The following SLC38A10 variants were observed in gnomAD, a reference collection of about 807,000 sequenced individuals.
SLC38A10 encodes Sodium-coupled neutral amino acid transporter 10.
In SLC38A10, 53 loss-of-function variants were observed where a neutral mutation model predicts 81.0. The observed-to-expected ratio is 0.65, with a 90% CI of 0.53 to 0.82. The LOEUF (loss-of-function observed/expected upper bound fraction) is 0.82, where lower values mean the gene tolerates loss of function less well. Ranked by LOEUF, SLC38A10 falls within the 40% of genes least tolerant of loss-of-function variation. The pLI is 0.00. For synonymous variants in SLC38A10, 665 were observed against 655.3 expected (o/e 1.01, Z -0.23); for missense variants, 1,471 against 1,545.0 (o/e 0.95, Z 0.80).
rs2063162015 is a variant in SLC38A10 at position 81,276,327 on chromosome 17, C to T, written c.730-176G>A. Among the ~76,000 whole-genome samples, 1 of 152,116 alleles carries T rather than the reference C, an allele frequency of 6.6e-6. No homozygotes were observed. The highest frequency in any genetic ancestry group is 1.5e-5 in the Non-Finnish European group (1 of 68,016). On this transcript the variant is annotated intron_variant, in intron 7 of 15. Coordinates refer to ENST00000374759, the MANE Select transcript of SLC38A10 (RefSeq NM_001037984.3). This position sits in a 1 kb window ranked among gnomAD's most constrained non-coding sequence, Gnocchi z 4.7. ...CTTCCAGGGGCAAGGCACCATTTCG[C>T]CTCCTCCTTCTAAAAATCTCTAGTT...
At position 81,276,923 on chromosome 17, in the gene SLC38A10, C is replaced by T; in HGVS notation, c.729+108G>A. On this transcript the variant is annotated intron_variant, in intron 7 of 15. Transcript: ENST00000374759. The surrounding 1 kb of genome is among the most constrained non-coding windows in gnomAD (Gnocchi z 4.7). The stretch of plus-strand genomic sequence containing the variant: ...ACTGGGATGGGAACAGAGAGAAAAA[C>T]CCAGCAGCACACAGGGCCAGGGCCA... 8.7e-7 allele frequency: 1 copy of T among 1,143,146 alleles called. No individual in the cohort carries two copies. Among genetic ancestry groups the T allele is most frequent in the Non-Finnish European group, 1.3e-6 (1 of 770,260 alleles). The allele number at this position is 1,143,146 out of a possible 1,614,324, so 70.8% of individuals were successfully genotyped here. A position where few individuals can be genotyped will look rare whatever the true frequency, so the allele number is the denominator to read the frequency against.
intron 14 of SLC38A10, among the ~76,000 whole-genome samples, chr17:81,248,370 G>A (rs546885297): frequency 1.3e-5 from 2 of 152,338 alleles, no homozygotes; most frequent in Non-Finnish European, 2.9e-5. Context: ...GGCAGGTCCT[G>A]CGTGATGGGG....
chr17:81,245,579 G>A lies in SLC38A10; in HGVS notation c.3337C>T (p.Pro1113Ser), dbSNP rs967725310. The part of the protein sequence containing the change: ...VVHSRQLRQA[P>S]GPPEES ...TGCTAGGACTCCTCTGGAGGCCCAG[G>A]CGCCTGTCTAAGCTGCCGGCTGTGG... The change falls in exon 16 of 16, where the codon CCT becomes TCT. Residue 1113 changes from proline to serine, a missense_variant. Coordinates refer to ENST00000374759, the MANE Select transcript of SLC38A10 (RefSeq NM_001037984.3). 1 of 1,609,588 alleles carries A rather than the reference G, an allele frequency of 6.2e-7. No homozygotes were observed. The highest frequency in any genetic ancestry group is 8.5e-7 in the Non-Finnish European group (1 of 1,178,526).
At chr17:81,285,895 CA>C (rs767837064) in intron 2 of SLC38A10, among the ~76,000 whole-genome samples, 16 of 152,200 alleles carry the variant, frequency 1.1e-4, no homozygotes, top group Admixed American at 2.0e-4. Context: ...ACAGCGTTGC[CA>C]AACGCCAGAG....
rs763160002 is a variant in SLC38A10 at position 81,276,154 on chromosome 17, G to A, written c.730-3C>T. On this transcript the variant is annotated splice_region_variant and splice_polypyrimidine_tract_variant and intron_variant, in intron 7 of 15. Coordinates refer to ENST00000374759, the MANE Select transcript of SLC38A10 (RefSeq NM_001037984.3). This position sits in a 1 kb window ranked among gnomAD's most constrained non-coding sequence, Gnocchi z 4.7. ...CTGACGTAGCCGAAAAACCCCACCT[G>A]TTGGAGAATAAGAAATGGCAACGTG... 1.2e-6 allele frequency: 2 copies of A among 1,607,080 alleles called. No individual in the cohort carries two copies. Among genetic ancestry groups the A allele is most frequent in the South Asian group, 1.1e-5 (1 of 90,594 alleles).
intron 9 of SLC38A10, 111 bp from the exon 10 acceptor site, chr17:81,271,135 C>T (rs1357542267): frequency 4.6e-6 from 4 of 871,754 alleles, no homozygotes; most frequent in South Asian, 1.5e-5. Context: ...AAGGAAATGC[C>T]GTCTAGGCGT....
chr17:81,272,756 A>C, intron 8 of SLC38A10, 129 bp from the exon 9 acceptor site: 1 of 544,388 alleles, frequency 1.8e-6, no homozygotes, highest in Non-Finnish European at 3.1e-6. Context: ...CCGCGCACTC[A>C]CCTGGCAGGT....
chr17:81,289,849 T>TGC lies in SLC38A10; in HGVS notation c.100-43_100-42dup. On this transcript the variant is annotated intron_variant, in intron 1 of 15. Transcript: ENST00000374759. This position sits in a 1 kb window ranked among gnomAD's most constrained non-coding sequence, Gnocchi z 5.9. Reference sequence around the variant, plus strand: ...AGGAACACATGTTCACAGCAGCAGGTGCTCCCCAGAGGCCCTCACCCCACA... The same window carrying TGC: ...AGGAACACATGTTCACAGCAGCAGGTGCGCTCCCCAGAGGCCCTCACCCCACA... 5.3e-6 allele frequency: 8 copies of TGC among 1,509,220 alleles called. No homozygotes were observed. Among genetic ancestry groups the TGC allele is most frequent in the Non-Finnish European group, 7.1e-6 (8 of 1,119,626 alleles). The allele number at this position is 1,509,220 out of a possible 1,614,324, so 93.5% of individuals were successfully genotyped here.
rs964052387 is a variant in SLC38A10, at chr17:81,289,666, C to G, written c.217+25G>C. On this transcript the variant is annotated intron_variant, in intron 2 of 15. Transcript: ENST00000374759. This position sits in a 1 kb window ranked among gnomAD's most constrained non-coding sequence, Gnocchi z 5.9. ...TAAGGCCCCCGCCCCAGGTCCAGAG[C>G]CACCTTGTGGAGAGGGCGCCTCACC... The G allele has an allele frequency of 3.8e-6, 6 of 1,560,210 alleles. No homozygotes were observed. The highest frequency in any genetic ancestry group is 2.7e-5 in the African/African-American group (2 of 72,916).
intron 1 of SLC38A10, among the ~76,000 whole-genome samples, chr17:81,294,366 G>A (rs376587957): frequency 2.1e-4 from 32 of 152,278 alleles, no homozygotes; most frequent in African/African-American, 7.0e-4. Flanking sequence ...GATCTTAGGT[G>A]TATAACCTGG....
rs756057315 is a variant in SLC38A10, at chr17:81,245,788, A to G, written c.3128T>C (p.Leu1043Pro). The G allele has an allele frequency of 9.4e-6, 15 of 1,600,258 alleles. No homozygotes were observed. The South Asian group carries it at 1.5e-4, about 16-fold the overall frequency. ...DNAKPNRDLK[L>P]QAGSDLRRRR... Reference sequence around the variant, plus strand: ...CCTCCGGAGGTCGGAGCCAGCCTGCAGTTTCAGGTCCCGGTTGGGCTTGGC... The same window carrying G: ...CCTCCGGAGGTCGGAGCCAGCCTGCGGTTTCAGGTCCCGGTTGGGCTTGGC... Residue 1043 changes from leucine to proline, a missense_variant, in exon 16 of 16, where the codon CTG (leucine) becomes CCG (proline). Around this residue, in one of 2 missense-constraint regions of SLC38A10, gnomAD observed 751 missense variants for 717.4 expected, o/e 1.05. Transcript: ENST00000374759.
intron 8 of SLC38A10, among the ~76,000 whole-genome samples, chr17:81,275,768 C>A (rs1443594479): frequency 6.6e-6 from 1 of 151,422 alleles, no homozygotes; most frequent in Non-Finnish European, 1.5e-5. Flanking sequence ...CGCCATGTGC[C>A]CATCTCCAGA....
At chr17:81,249,878 G>C (rs1035125165) in intron 14 of SLC38A10, among the ~76,000 whole-genome samples, 1 of 152,174 alleles carries the variant, frequency 6.6e-6, no homozygotes, top group Non-Finnish European at 1.5e-5. Flanking sequence ...TGTAACACAA[G>C]GGAGCAGAGT....
rs1370891152 is a variant in SLC38A10, at chr17:81,253,709, CCATCACCATCAT to C, written c.1289-481_1289-470del. 6.7e-6 allele frequency among the ~76,000 whole-genome samples: 1 copy of C among 149,736 alleles called. No individual in the cohort carries two copies. The highest frequency in any genetic ancestry group is 2.5e-5 in the African/African-American group (1 of 40,338). Reference sequence around the variant, plus strand: ...ACCAACATCACCATCATCACCATCACCATCACCATCATCACCATCTCCATCCCTACCACCATC... The same window carrying C: ...ACCAACATCACCATCATCACCATCACCACCATCTCCATCCCTACCACCATC... On this transcript the variant is annotated intron_variant, in intron 11 of 15. Transcript: ENST00000374759. The surrounding 1 kb of genome is among the most constrained non-coding windows in gnomAD (Gnocchi z 4.1).
chr17:81,290,537 C>G (rs1432445660), intron 1 of SLC38A10, among the ~76,000 whole-genome samples: 1 of 152,180 alleles, frequency 6.6e-6, no homozygotes, highest in African/African-American at 2.4e-5. Context: ...ATTCTGTTTA[C>G]AGGAAACTCA....
rs1038662784 is a variant in SLC38A10, at chr17:81,253,928, T to C, written c.1289-688A>G. 6.6e-6 allele frequency among the ~76,000 whole-genome samples: 1 copy of C among 151,572 alleles called. No individual in the cohort carries two copies. Among genetic ancestry groups the C allele is most frequent in the Non-Finnish European group, 1.5e-5 (1 of 67,944 alleles). On this transcript the variant is annotated intron_variant, in intron 11 of 15. Coordinates refer to ENST00000374759, the MANE Select transcript of SLC38A10 (RefSeq NM_001037984.3). The surrounding 1 kb of genome is among the most constrained non-coding windows in gnomAD (Gnocchi z 4.1). The stretch of plus-strand genomic sequence containing the variant: ...ACCATCACTGCCAACCCTACCATCA[T>C]TGCCATCACCTCCATTATCGTCATC...
chr17:81,250,407 TC>T (rs1429332662), intron 14 of SLC38A10, among the ~76,000 whole-genome samples: 1 of 152,208 alleles, frequency 6.6e-6, no homozygotes, highest in African/African-American at 2.4e-5. Context: ...GCACCTGCCC[TC>T]CCTCGGACCG....
Position 81,246,030 on chromosome 17 carries a change from C to T in SLC38A10, c.2886G>A (p.Arg962=). ...CACCCTGCTCGCCATCAGAGATGAC[C>T]CGCAGTTCCGGCTGGCGTAACACAG... ...PQAVLRQPEL[R]VISDGEQGGQ... is the part of the protein sequence containing the mutation. Residue 962 remains arginine, a synonymous_variant, in exon 16 of 16, where the codon CGG becomes CGA. Coordinates refer to ENST00000374759, the MANE Select transcript of SLC38A10 (RefSeq NM_001037984.3). 6.2e-7 allele frequency: 1 copy of T among 1,610,504 alleles called. No homozygotes were observed.
chr17:81,252,111 G>A lies in SLC38A10; in HGVS notation c.1945+84C>T, dbSNP rs984462597. On this transcript the variant is annotated intron_variant, in intron 13 of 15. Transcript: ENST00000374759. ...GGAGAGAGACTGGGGACTGAGGGAG[G>A]AACCATCGATTCTGCTGCCCCTGCC... The A allele has an allele frequency of 8.8e-6, 13 of 1,469,856 alleles. No individual in the cohort carries two copies. The African/African-American group carries it at 1.7e-4, about 19-fold the overall frequency. 91.1% of individuals were successfully genotyped at this position (1,469,856 alleles called of 1,614,324 possible). A position where few individuals can be genotyped will look rare whatever the true frequency, so the allele number is the denominator to read the frequency against.
Sources: gnomAD v4.1 joint callset for allele counts (sites outside exome capture counted in the v4.1 genomes callset) on GRCh38, gnomAD v4.1.1 for gene constraint, gnomAD v4.1.1 regional missense constraint, Gnocchi (gnomAD v3.1) non-coding constraint, MANE v1.5 for transcripts, NCBI Gene and HGNC (gene_info 2026-07-23, HGNC 2026-07-21) for gene names.